The following TP53BP1 variants were observed in gnomAD, a reference collection of about 807,000 sequenced individuals.
TP53BP1 encodes the protein tumor protein p53 binding protein 1.
In TP53BP1, 61 loss-of-function variants were observed where a neutral mutation model predicts 200.8. The ratio of observed to expected loss-of-function variants is 0.30; its 90% CI spans 0.25 to 0.38. The LOEUF is 0.38. Ranked by LOEUF, TP53BP1 falls within the 10% of genes least tolerant of loss-of-function variation. The pLI, the probability that TP53BP1 is intolerant of heterozygous loss-of-function variation, is 1.00. For synonymous variants in TP53BP1, 822 were observed against 844.3 expected, an observed-to-expected ratio of 0.97 and a Z score of 0.46; for missense variants, 2,144 against 2,371.9, an observed-to-expected ratio of 0.90 and a Z score of 2.00.
chr15:43,445,097 C>T (rs1281642707), intron 14 of TP53BP1, among the ~76,000 whole-genome samples: 5 of 152,140 alleles, frequency 3.3e-5, no homozygotes, highest in Non-Finnish European at 2.9e-5. Context: ...CTCAACCCTG[C>T]ATTTCCCTCT....
Position 43,404,391 on chromosome 15 carries a change from A to G in TP53BP1, c.*2992T>C. 1 of 1,613,796 alleles carries G rather than the reference A, an allele frequency of 6.2e-7. No individual in the cohort carries two copies. The highest frequency in any genetic ancestry group is 8.5e-7 in the Non-Finnish European group (1 of 1,179,798). ...AGTTGGTGAGCTGAAGTGGAATGAC[A>G]GCTGAGTCCTTCTCTCTGCAGGGCT... On this transcript the variant is annotated 3_prime_UTR_variant, in exon 28 of 28. Transcript: ENST00000382044.
At position 43,404,769 on chromosome 15, in the gene TP53BP1, A is replaced by G. The variant is rs920404937; in HGVS notation, c.*2614T>C. On this transcript the variant is annotated 3_prime_UTR_variant, in exon 28 of 28. Transcript: ENST00000382044. ...AAATACTAAAAAACCTGACAGTGAG[A>G]TAGGTGTTAAGTCCTTTGCTAGGTT... 9 of 577,378 alleles carry G rather than the reference A, an allele frequency of 1.6e-5. No individual in the cohort carries two copies. The Admixed American group carries it at 1.9e-4, about 12-fold the overall frequency. 35.8% of individuals were successfully genotyped at this position (577,378 alleles called of 1,614,324 possible).
Position 43,407,247 on chromosome 15 carries a change from A to C in TP53BP1, c.*136T>G. 1 of 720,226 alleles carries C rather than the reference A, an allele frequency of 1.4e-6. No homozygotes were observed. The highest frequency in any genetic ancestry group is 2.0e-5 in the South Asian group (1 of 49,398). The allele number at this position is 720,226 out of a possible 1,614,324, so 44.6% of individuals were successfully genotyped here. ...ACCAAAGAGATTCAACATTTATTTT[A>C]TCATAAAAGTTCAGCAAATAAAACT... On this transcript the variant is annotated 3_prime_UTR_variant, in exon 28 of 28. Coordinates refer to ENST00000382044, the MANE Select transcript of TP53BP1 (RefSeq NM_001141980.3).
rs144160933 is a variant in TP53BP1, at chr15:43,461,302, C to G, written c.1390-4084G>C. Among the ~76,000 whole-genome samples the G allele has an allele frequency of 3.7e-3, 557 of 152,094 alleles. 7 individuals are homozygous for G. Among genetic ancestry groups the G allele is most frequent in the Non-Finnish European group, 2.0e-3 (134 of 68,020 alleles). On this transcript the variant is annotated intron_variant, in intron 11 of 27. Transcript: ENST00000382044. ...TAATGCGATCATGGCTCACTGCAGT[C>G]TTGACCTCCTAGGCTCAAGTGATTC...
rs2046306332 is a variant in TP53BP1 at position 43,456,689 on chromosome 15, G to C, written c.1919C>G (p.Ser640Cys). 1.2e-6 allele frequency: 2 copies of C among 1,614,138 alleles called. No homozygotes were observed. Among genetic ancestry groups the C allele is most frequent in the Middle Eastern group, 1.6e-4 (1 of 6,062 alleles). ...SQAVPSPATR[S>C]EALSSVLDQE... ...ATCTAACACACTAGAAAGTGCCTCA[G>C]ATCGAGTAGCTGGTGACGGAACTGC... is the stretch of plus-strand genomic sequence containing the variant. Residue 640 changes from serine to cysteine, a missense_variant, in exon 12 of 28, where the codon TCT (serine) becomes TGT (cysteine). By Grantham distance (112) the Ser-to-Cys change is moderately radical. Around this residue, in one of 4 missense-constraint regions of TP53BP1, gnomAD observed 1,700 missense variants for 1,710.3 expected, o/e 0.99. Transcript: ENST00000382044.
intron 11 of TP53BP1, among the ~76,000 whole-genome samples, chr15:43,468,268 G>C (rs2046637263): frequency 6.6e-6 from 1 of 152,088 alleles, no homozygotes; most frequent in Admixed American, 6.6e-5. Flanking sequence ...AAGAAGGCCA[G>C]GTACGGTGGC....
At chr15:43,503,227 A>C (rs1479220347) in intron 1 of TP53BP1, among the ~76,000 whole-genome samples, 1 of 152,244 alleles carries the variant, frequency 6.6e-6, no homozygotes, top group Non-Finnish European at 1.5e-5. Context: ...TCACCCAAAA[A>C]GTTCCCTGTG....
At chr15:43,407,705 T>C in intron 27 of TP53BP1, 135 bp from the exon 28 acceptor site, 1 of 881,576 alleles carries the variant, frequency 1.1e-6, no homozygotes, top group African/African-American at 1.7e-5. Context: ...ACACTGCTAC[T>C]GATCATGACC....
In TP53BP1 at chr15:43,447,603, T is replaced by C. The variant is rs1218725307; in HGVS notation, c.2717-118A>G. 3 of 1,041,402 alleles carry C rather than the reference T, an allele frequency of 2.9e-6. No homozygotes were observed. In the South Asian group the frequency reaches 5.8e-5, roughly 20 times the overall value. 64.5% of individuals were successfully genotyped at this position (1,041,402 alleles called of 1,614,324 possible). A position where few individuals can be genotyped will look rare whatever the true frequency, so the allele number is the denominator to read the frequency against. On this transcript the variant is annotated intron_variant, in intron 12 of 27. Coordinates refer to ENST00000382044, the MANE Select transcript of TP53BP1 (RefSeq NM_001141980.3). Reference sequence around the variant, plus strand: ...AGAAATATTTCAATCACTCTTTTCCTTTGCTCCCAAATTCTGTCTCATTGC... The same window carrying C: ...AGAAATATTTCAATCACTCTTTTCCCTTGCTCCCAAATTCTGTCTCATTGC...
intron 1 of TP53BP1, among the ~76,000 whole-genome samples, chr15:43,508,185 C>T (rs1022012870): frequency 6.6e-6 from 1 of 152,104 alleles, no homozygotes; most frequent in African/African-American, 2.4e-5. Context: ...CATGGTGAAA[C>T]CCCGTCTCTA....
Position 43,405,491 on chromosome 15 carries a change from T to G in TP53BP1, c.*1892A>C. The G allele has an allele frequency of 1.9e-6, 1 of 521,684 alleles. No individual in the cohort carries two copies. The allele number at this position is 521,684 out of a possible 1,614,324, so 32.3% of individuals were successfully genotyped here. A position where few individuals can be genotyped will look rare whatever the true frequency, so the allele number is the denominator to read the frequency against. On this transcript the variant is annotated 3_prime_UTR_variant, in exon 28 of 28. Coordinates refer to ENST00000382044, the MANE Select transcript of TP53BP1 (RefSeq NM_001141980.3). ...ATATGTTCATTTATTCAATAGTCAT[T>G]TATTGAGCACCTACTACGTACCTTG... is the stretch of plus-strand genomic sequence containing the variant.
In TP53BP1 at chr15:43,462,216, C is replaced by CAAAAAAAAAA. The variant is rs779088744; in HGVS notation, c.1390-5008_1390-4999dup. 3.8e-4 allele frequency among the ~76,000 whole-genome samples: 13 copies of CAAAAAAAAAA among 34,098 alleles called. 2 individuals carry two copies. The highest frequency in any genetic ancestry group is 6.8e-4 in the Non-Finnish European group (11 of 16,142). The allele number at this position is 34,098 out of a possible 152,430, so 22.4% of individuals were successfully genotyped here. On this transcript the variant is annotated intron_variant, in intron 11 of 27. Coordinates refer to ENST00000382044, the MANE Select transcript of TP53BP1 (RefSeq NM_001141980.3). ...ACACGTGGAGAGCGAGACTTCATCT[C>CAAAAAAAAAA]AAAAAAAAAAAAAAAAAAAAAAAAA...
intron 11 of TP53BP1, among the ~76,000 whole-genome samples, chr15:43,458,113 T>C (rs2046343781): frequency 6.6e-6 from 1 of 151,846 alleles, no homozygotes; most frequent in Non-Finnish European, 1.5e-5. Flanking sequence ...AAAATCACAA[T>C]GAAATACCAC....
chr15:43,447,478 TG>T lies in TP53BP1; in HGVS notation c.2723del (p.Pro908HisfsTer16). ...QSFCESSSET[P>X]FHFTLPKEGD... ...CTTCTTTAGGCAAAGTGAAATGAAA[TG>T]GGGTTTCTGAAAAAAAAAAAAAAAA... On this transcript the variant is annotated frameshift_variant, in exon 13 of 28. Transcript: ENST00000382044. The T allele has an allele frequency of 7.5e-7, 1 of 1,330,218 alleles. No individual in the cohort carries two copies. Among genetic ancestry groups the T allele is most frequent in the Non-Finnish European group, 9.8e-7 (1 of 1,025,374 alleles). 82.4% of individuals were successfully genotyped at this position (1,330,218 alleles called of 1,614,324 possible). A position where few individuals can be genotyped will look rare whatever the true frequency, so the allele number is the denominator to read the frequency against.
In TP53BP1 at chr15:43,447,503, A is replaced by T; in HGVS notation, c.2717-18T>A. The stretch of plus-strand genomic sequence containing the variant: ...TGGGGTTTCTGAAAAAAAAAAAAAA[A>T]AGAAAAAAGAAAGAAAGAAAAAATG... On this transcript the variant is annotated intron_variant, in intron 12 of 27. Transcript: ENST00000382044. 1 of 1,479,382 alleles carries T rather than the reference A, an allele frequency of 6.8e-7. No homozygotes were observed. The allele number at this position is 1,479,382 out of a possible 1,614,324, so 91.6% of individuals were successfully genotyped here.
Position 43,428,068 on chromosome 15 carries a change from ATGACACGAG to A in TP53BP1, c.3767_3775del (p.Thr1256_Val1258del). 6.2e-7 allele frequency: 1 copy of A among 1,613,178 alleles called. No individual in the cohort carries two copies. Among genetic ancestry groups the A allele is most frequent in the Non-Finnish European group, 8.5e-7 (1 of 1,179,174 alleles). On this transcript the variant is annotated inframe_deletion, in exon 18 of 28. Coordinates refer to ENST00000382044, the MANE Select transcript of TP53BP1 (RefSeq NM_001141980.3). ...TCCATCCACATAATACACATCTGTA[ATGACACGAG>A]TGACAAGTGTGCGTACTTCCCGGAT...
intron 4 of TP53BP1, among the ~76,000 whole-genome samples, chr15:43,490,095 T>C (rs1384429581): frequency 6.6e-6 from 1 of 151,720 alleles, no homozygotes; most frequent in African/African-American, 2.4e-5. Flanking sequence ...TTTTTATTAT[T>C]TTATTTTATT....
At chr15:43,421,784 T>A (rs2045406152) in intron 19 of TP53BP1, 71 bp downstream of exon 19, 1 of 1,566,856 alleles carries the variant, frequency 6.4e-7, no homozygotes, top group Non-Finnish European at 8.7e-7. Flanking sequence ...ACTCCCCTTT[T>A]CCTGTGATAT....
intron 5 of TP53BP1, 104 bp downstream of exon 5, chr15:43,480,791 T>G: frequency 2.7e-5 from 34 of 1,265,136 alleles, no homozygotes; most frequent in Non-Finnish European, 3.3e-5. Flanking sequence ...AATTTAATTA[T>G]GAGAAATCTG....
Sources: gnomAD v4.1 joint callset for allele counts (sites outside exome capture counted in the v4.1 genomes callset) on GRCh38, gnomAD v4.1.1 for gene constraint, gnomAD v4.1.1 regional missense constraint, MANE v1.5 for transcripts, NCBI Gene and HGNC (gene_info 2026-07-23, HGNC 2026-07-21) for gene names.